The following FAM24B variants were observed in gnomAD, a reference collection of about 807,000 sequenced individuals.
The protein encoded by FAM24B is protein FAM24B.
A neutral mutation model predicts 2.3 loss-of-function variants in FAM24B; 3 were observed. The ratio of observed to expected loss-of-function variants is 1.29; its 90% CI spans 0.59 to 3.32. The LOEUF (loss-of-function observed/expected upper bound fraction) is 3.32. FAM24B is among the 30% of genes most tolerant of loss of function. FAM24B has a pLI of 0.03. For synonymous variants in FAM24B, 36 were observed against 46.3 expected, an observed-to-expected ratio of 0.78 and a Z score of 0.90; for missense variants, 98 against 117.2, an observed-to-expected ratio of 0.84 and a Z score of 0.76.
At chr10:122,861,319 C>G (rs1192560380) in intron 1 of FAM24B, among the ~76,000 whole-genome samples, 1 of 152,132 alleles carries the variant, frequency 6.6e-6, no homozygotes, top group African/African-American at 2.4e-5. Context: ...TATTTCTGGG[C>G]TCTCCATTCT....
At chr10:122,859,853 C>A (rs1466718180) in intron 1 of FAM24B, among the ~76,000 whole-genome samples, 1 of 152,038 alleles carries the variant, frequency 6.6e-6, no homozygotes, top group Non-Finnish European at 1.5e-5. Flanking sequence ...TGTGCTCAGA[C>A]CTTTATATGC....
chr10:122,855,145 A>C (rs964295973), intron 2 of FAM24B: 1 of 152,214 alleles, frequency 6.6e-6, no homozygotes, highest in African/African-American at 2.4e-5. Context: ...TCCTTAACTG[A>C]ATCTTTTATT....
intron 1 of FAM24B, among the ~76,000 whole-genome samples, chr10:122,876,689 C>T (rs59898867): frequency 0.026 from 3,898 of 152,216 alleles, 148 homozygotes; most frequent in African/African-American, 0.083. Context: ...TATTTGCCTA[C>T]CCAGTTTGGG....
chr10:122,869,246 T>TA (rs1249864497), intron 1 of FAM24B, among the ~76,000 whole-genome samples: 3 of 152,190 alleles, frequency 2.0e-5, no homozygotes, highest in African/African-American at 7.2e-5. Context: ...ATCCTAAATA[T>TA]ATATGCACCC....
chr10:122,853,157 C>T (rs997755606), intron 2 of FAM24B, among the ~76,000 whole-genome samples: 19 of 152,082 alleles, frequency 1.2e-4, no homozygotes, highest in African/African-American at 4.1e-4. Flanking sequence ...TTTAGTTGTA[C>T]TTAGGAAGAA....
At position 122,849,251 on chromosome 10, in the gene FAM24B, A is replaced by C. The variant is rs754270239; in HGVS notation, c.281T>G (p.Leu94Arg). The change falls in exon 4 of 4, where the codon CTC becomes CGC. Residue 94 changes from leucine (L) to arginine (R), a missense_variant. Coordinates refer to ENST00000368898, the MANE Select transcript of FAM24B (RefSeq NM_152644.3). ...TTTGTGCCCACCTTTCCTAACTCAG[A>C]GGCCCTCATTTATGTCGCAACAGCA... ...PPCCCDINEG[L>R] The C allele has an allele frequency of 1.3e-6, 2 of 1,558,922 alleles. No individual in the cohort carries two copies. The highest frequency in any genetic ancestry group is 2.4e-5 in the South Asian group (2 of 83,452).
chr10:122,850,193 A>G (rs1847504458), intron 3 of FAM24B, among the ~76,000 whole-genome samples: 1 of 152,202 alleles, frequency 6.6e-6, no homozygotes, highest in Non-Finnish European at 1.5e-5. Flanking sequence ...GCCAAAGCTG[A>G]GAACATTCTA....
At chr10:122,863,727 GC>G (rs1345241049) in intron 1 of FAM24B, among the ~76,000 whole-genome samples, 2 of 152,194 alleles carry the variant, frequency 1.3e-5, no homozygotes, top group African/African-American at 4.8e-5. Context: ...CATAGGCGTA[GC>G]CTCAGATGAT....
Position 122,878,898 on chromosome 10 carries a change from T to C in FAM24B, c.-178+587A>G, listed in dbSNP as rs112879900. Reference sequence around the variant, plus strand: ...TTGATCTTGCTCATGAAGTTTCAGATAGGTAATTCTAAAAAGCCTATTTTC... The same window carrying C: ...TTGATCTTGCTCATGAAGTTTCAGACAGGTAATTCTAAAAAGCCTATTTTC... On this transcript the variant is annotated intron_variant, in intron 1 of 3. Coordinates refer to ENST00000368898, the MANE Select transcript of FAM24B (RefSeq NM_152644.3). Among the ~76,000 whole-genome samples the C allele has an allele frequency of 4.3e-4, 66 of 152,086 alleles. 1 individual carries two copies. The highest frequency in any genetic ancestry group is 1.4e-3 in the African/African-American group (59 of 41,474).
chr10:122,850,135 T>C (rs1181067825), intron 3 of FAM24B, among the ~76,000 whole-genome samples: 1 of 152,050 alleles, frequency 6.6e-6, no homozygotes, highest in Non-Finnish European at 1.5e-5. Context: ...CACCTGATGG[T>C]AAACTTAGTG....
At chr10:122,852,704 C>A (rs546247572) in intron 2 of FAM24B, among the ~76,000 whole-genome samples, 1 of 152,334 alleles carries the variant, frequency 6.6e-6, no homozygotes, top group South Asian at 2.1e-4. Context: ...AGGTGAGTCT[C>A]TGCTCTTTAT....
intron 2 of FAM24B, among the ~76,000 whole-genome samples, chr10:122,851,486 C>T (rs1361662219): frequency 6.6e-6 from 1 of 152,232 alleles, no homozygotes; most frequent in African/African-American, 2.4e-5. Context: ...GACATCAACG[C>T]TCTGGACACC....
At chr10:122,854,774 C>G (rs1197815479) in intron 2 of FAM24B, among the ~76,000 whole-genome samples, 1 of 152,196 alleles carries the variant, frequency 6.6e-6, no homozygotes, top group East Asian at 1.9e-4. Context: ...CAGGGGCTGG[C>G]CTTTTCTCTA....
intron 1 of FAM24B, among the ~76,000 whole-genome samples, chr10:122,866,134 T>G (rs1465562517): frequency 6.6e-6 from 1 of 152,138 alleles, no homozygotes; most frequent in Non-Finnish European, 1.5e-5. Context: ...ACTCCTGACC[T>G]CAGGTCACCT....
intron 1 of FAM24B, among the ~76,000 whole-genome samples, chr10:122,862,416 C>T (rs1475798718): frequency 2.6e-5 from 4 of 152,038 alleles, no homozygotes. Context: ...TTTTAGAAAT[C>T]TGGAGGAGAA....
At chr10:122,854,874 A>T (rs1476004244) in intron 2 of FAM24B, among the ~76,000 whole-genome samples, 1 of 151,914 alleles carries the variant, frequency 6.6e-6, no homozygotes, top group African/African-American at 2.4e-5. Context: ...ACCTGTGACT[A>T]ACCACTAACA....
At chr10:122,870,328 T>A (rs1049608835) in intron 1 of FAM24B, among the ~76,000 whole-genome samples, 1 of 152,090 alleles carries the variant, frequency 6.6e-6, no homozygotes, top group African/African-American at 2.4e-5. Context: ...CAGGACCAGA[T>A]GGATTCACAG....
chr10:122,875,446 C>T (rs1847962556), intron 1 of FAM24B, among the ~76,000 whole-genome samples: 2 of 152,128 alleles, frequency 1.3e-5, no homozygotes, highest in Non-Finnish European at 2.9e-5. Context: ...TCCTTTGTTT[C>T]TTGTTCTTTC....
Position 122,850,436 on chromosome 10 carries a change from T to C in FAM24B, c.80A>G (p.His27Arg), listed in dbSNP as rs745348505. ...VVVLCLYFKI[H>R]NALKAAKEPE... is the part of the protein sequence containing the mutation. Reference sequence around the variant, plus strand: ...ACTTGTGACTCACTTTAGCGCGTTGTGTATTTTGAAGTAAAGACAGAGCAC... The same window carrying C: ...ACTTGTGACTCACTTTAGCGCGTTGCGTATTTTGAAGTAAAGACAGAGCAC... Residue 27 changes from histidine (H) to arginine (R), a missense_variant, in exon 3 of 4, where the codon CAC (histidine) becomes CGC (arginine). Transcript: ENST00000368898. The C allele has an allele frequency of 1.3e-5, 21 of 1,613,870 alleles. No homozygotes were observed. Among genetic ancestry groups the C allele is most frequent in the Non-Finnish European group, 1.8e-5 (21 of 1,179,798 alleles).
Sources: gnomAD v4.1 joint callset for allele counts (sites outside exome capture counted in the v4.1 genomes callset) on GRCh38, gnomAD v4.1.1 for gene constraint, MANE v1.5 for transcripts, NCBI Gene and HGNC (gene_info 2026-07-23, HGNC 2026-07-21) for gene names.